The following ASAP1 variants were observed in gnomAD, a reference collection of about 807,000 sequenced individuals.
The protein encoded by ASAP1 is arf-GAP with SH3 domain, ANK repeat and PH domain-containing protein 1.
A neutral mutation model predicts 145.2 loss-of-function variants in ASAP1; 43 were observed. The ratio of observed to expected loss-of-function variants is 0.30; its 90% CI spans 0.23 to 0.38. The LOEUF is 0.38. ASAP1 is among the 10% of genes least tolerant of loss of function. ASAP1 has a pLI of 1.00. For synonymous variants in ASAP1, 546 were observed against 515.5 expected (o/e 1.06, Z -0.80); for missense variants, 1,018 against 1,355.3 (o/e 0.75, Z 3.91).
intron 1 of ASAP1, among the ~76,000 whole-genome samples, chr8:130,441,266 T>C (rs1293342657): frequency 6.6e-6 from 1 of 152,212 alleles, no homozygotes; most frequent in Non-Finnish European, 1.5e-5. Flanking sequence ...TGAGATGTGC[T>C]GTCCTTTCTG....
At chr8:130,184,127 T>G (rs770873691) in intron 7 of ASAP1, among the ~76,000 whole-genome samples, 11 of 152,176 alleles carry the variant, frequency 7.2e-5, no homozygotes, top group Non-Finnish European at 1.2e-4. Context: ...AGTAAACAAC[T>G]GTACTCTAAG....
intron 12 of ASAP1, 65 bp downstream of exon 12, chr8:130,159,799 T>C: frequency 2.3e-6 from 3 of 1,295,846 alleles, no homozygotes; most frequent in Non-Finnish European, 3.4e-6. Flanking sequence ...TTTCCCTATA[T>C]GAGAGACTGG....
At chr8:130,402,417 A>G (rs570164103) in intron 1 of ASAP1, among the ~76,000 whole-genome samples, 14 of 152,324 alleles carry the variant, frequency 9.2e-5, no homozygotes, top group African/African-American at 2.9e-4. Context: ...AAGAATATAC[A>G]TATTTCAGGA....
intron 1 of ASAP1, among the ~76,000 whole-genome samples, chr8:130,415,936 T>C (rs75822358): frequency 0.098 from 14,951 of 152,150 alleles, 997 homozygotes; most frequent in South Asian, 0.29. Flanking sequence ...TTTCTGAAAA[T>C]CCATCTCCAT....
chr8:130,130,003 G>A (rs989772592), intron 15 of ASAP1, among the ~76,000 whole-genome samples: 16 of 152,120 alleles, frequency 1.1e-4, no homozygotes, highest in Non-Finnish European at 2.1e-4. Context: ...TTTTATCAGC[G>A]GCACTGATGT....
At chr8:130,424,167 T>G (rs533914849) in intron 1 of ASAP1, among the ~76,000 whole-genome samples, 1 of 152,180 alleles carries the variant, frequency 6.6e-6, no homozygotes, top group African/African-American at 2.4e-5. Flanking sequence ...TCAATAAATG[T>G]GAGCTGAGCT....
At chr8:130,305,584 G>A (rs1019807916) in intron 3 of ASAP1, among the ~76,000 whole-genome samples, 2 of 152,102 alleles carry the variant, frequency 1.3e-5, no homozygotes, top group Non-Finnish European at 2.9e-5. Context: ...GGCTGGTCAG[G>A]TTCTGGTCAG....
chr8:130,389,030 G>GT (rs527396267), intron 2 of ASAP1, among the ~76,000 whole-genome samples: 5 of 152,180 alleles, frequency 3.3e-5, no homozygotes, highest in Non-Finnish European at 5.9e-5. Flanking sequence ...CAGGATTGTT[G>GT]TAAGGATTGA....
chr8:130,152,268 G>C (rs1419947486), intron 13 of ASAP1, among the ~76,000 whole-genome samples: 1 of 152,074 alleles, frequency 6.6e-6, no homozygotes, highest in Non-Finnish European at 1.5e-5. Context: ...ATTCCTGCTT[G>C]GTACATTTTC....
At chr8:130,365,050 G>A (rs933836092) in intron 2 of ASAP1, among the ~76,000 whole-genome samples, 6 of 152,184 alleles carry the variant, frequency 3.9e-5, no homozygotes, top group Admixed American at 6.5e-5. Flanking sequence ...ATCCCTGACA[G>A]CATTCAGGGA....
At chr8:130,248,171 T>C (rs1482905617) in intron 3 of ASAP1, among the ~76,000 whole-genome samples, 3 of 151,962 alleles carry the variant, frequency 2.0e-5, no homozygotes, top group Admixed American at 1.3e-4. Flanking sequence ...CTCTGGCCCA[T>C]TGAGAGGTCA....
intron 24 of ASAP1, 95 bp downstream of exon 24, chr8:130,111,999 A>G: frequency 8.2e-7 from 1 of 1,214,494 alleles, no homozygotes; most frequent in Non-Finnish European, 1.2e-6. Context: ...TGTACCTTGC[A>G]ATTCTTACCT....
At chr8:130,118,351 C>G in intron 19 of ASAP1, 105 bp from the exon 20 acceptor site, 2 of 1,325,282 alleles carry the variant, frequency 1.5e-6, no homozygotes, top group Non-Finnish European at 2.1e-6. Flanking sequence ...CACACCTCTT[C>G]ACTCTCATAT....
At chr8:130,172,719 TAAGC>T (rs2136111677) in intron 9 of ASAP1, among the ~76,000 whole-genome samples, 1 of 152,272 alleles carries the variant, frequency 6.6e-6, no homozygotes, top group East Asian at 1.9e-4. Flanking sequence ...AGAAAAAGAA[TAAGC>T]AAATATTTGA....
intron 11 of ASAP1, among the ~76,000 whole-genome samples, chr8:130,160,427 G>T (rs923714170): frequency 3.3e-5 from 5 of 152,194 alleles, no homozygotes; most frequent in African/African-American, 1.2e-4. Context: ...AATAAAAGGG[G>T]AACCTTCTAA....
At chr8:130,123,210 T>A (rs1300208414) in intron 18 of ASAP1, among the ~76,000 whole-genome samples, 1 of 152,178 alleles carries the variant, frequency 6.6e-6, no homozygotes, top group Non-Finnish European at 1.5e-5. Flanking sequence ...GACTGCTGAG[T>A]CAAAGGGTAA....
intron 27 of ASAP1, among the ~76,000 whole-genome samples, chr8:130,074,178 T>C (rs189922888): frequency 2.0e-4 from 31 of 152,188 alleles, no homozygotes; most frequent in African/African-American, 7.0e-4. Context: ...TTTGATGATA[T>C]TAAGAAATTT....
At chr8:130,294,143 CAG>C (rs1027352460) in intron 3 of ASAP1, among the ~76,000 whole-genome samples, 2 of 152,138 alleles carry the variant, frequency 1.3e-5, no homozygotes, top group African/African-American at 4.8e-5. Flanking sequence ...GTTAATCAAC[CAG>C]AGAGAGAGGG....
intron 1 of ASAP1, among the ~76,000 whole-genome samples, chr8:130,403,349 T>G (rs1322523611): frequency 6.6e-6 from 1 of 151,896 alleles, no homozygotes; most frequent in Non-Finnish European, 1.5e-5. Context: ...TTGAGTGATA[T>G]GAAGAATACA....
Sources: allele counts gnomAD v4.1 joint callset (sites outside exome capture counted in the v4.1 genomes callset), GRCh38; gene constraint gnomAD v4.1.1; transcripts MANE v1.5; gene names NCBI Gene and HGNC (gene_info 2026-07-23, HGNC 2026-07-21).